RIN2: variants seen among roughly 807,000 people sequenced by gnomAD.
RIN2 encodes Ras and Rab interactor 2, also known as RAB5 interacting protein 2.
A neutral mutation model predicts 78.0 loss-of-function variants in RIN2; 36 were observed. The ratio of observed to expected loss-of-function variants is 0.46; its 90% CI spans 0.35 to 0.61. The LOEUF (loss-of-function observed/expected upper bound fraction) is 0.61, where lower values mean the gene tolerates loss of function less well. Among genes scored for constraint, RIN2 ranks in the 20% least tolerant of loss-of-function variants. The pLI is 0.00. For synonymous variants in RIN2, 466 were observed against 466.8 expected (o/e 1.00, Z 0.02); for missense variants, 1,087 against 1,159.7 (o/e 0.94, Z 0.91).
intron 2 of RIN2, among the ~76,000 whole-genome samples, chr20:19,851,061 G>GAGA (rs2036963006): frequency 7.9e-6 from 1 of 126,832 alleles, no homozygotes; most frequent in African/African-American, 3.4e-5. Flanking sequence ...AGAAAGAAAG[G>GAGA]AAGGAAGGAA....
chr20:19,914,791 G>A (rs1277859232), intron 3 of RIN2, among the ~76,000 whole-genome samples: 2 of 152,150 alleles, frequency 1.3e-5, no homozygotes, highest in Non-Finnish European at 2.9e-5. Flanking sequence ...TAGGTCATGC[G>A]TGTGCACATT....
chr20:19,806,080 G>C (rs1191947631), intron 2 of RIN2, among the ~76,000 whole-genome samples: 2 of 152,180 alleles, frequency 1.3e-5, no homozygotes, highest in Admixed American at 1.3e-4. Context: ...AGTATTCTAT[G>C]GTGTATATGT....
intron 2 of RIN2, among the ~76,000 whole-genome samples, chr20:19,811,612 TA>T (rs1445476803): frequency 6.6e-6 from 1 of 152,178 alleles, no homozygotes; most frequent in Non-Finnish European, 1.5e-5. Context: ...TTGTAGCTTT[TA>T]AAACTGAACG....
chr20:19,770,211 TATC>T lies in RIN2; in HGVS notation c.-163+11887_-163+11889del, dbSNP rs1440696361. ...GATTATGATGCTTTTACAAAATAAA[TATC>T]ATTCTAGAAGCAAAGATAAAAAGTA... is the stretch of plus-strand genomic sequence containing the variant. On this transcript the variant is annotated intron_variant, in intron 1 of 12. Transcript: ENST00000255006. Among the ~76,000 whole-genome samples, 6 of 152,322 alleles carry T rather than the reference TATC, an allele frequency of 3.9e-5. No homozygotes were observed. In the East Asian group the frequency reaches 1.2e-3, roughly 29 times the overall value.
chr20:19,921,808 A>G (rs2039935629), intron 3 of RIN2, among the ~76,000 whole-genome samples: 1 of 152,128 alleles, frequency 6.6e-6, no homozygotes, highest in Non-Finnish European at 1.5e-5. Context: ...CAGAGGTCCA[A>G]TATCAGGTGA....
rs143539975 is a variant in RIN2 at position 19,877,954 on chromosome 20, A to C, written c.-36-11612A>C. On this transcript the variant is annotated intron_variant, in intron 2 of 12. Transcript: ENST00000255006. ...AGTATCACTTGAGCCTGGGAGGTTG[A>C]GGCTGCAGTAAGCCATGATTATGCC... Among the ~76,000 whole-genome samples the C allele has an allele frequency of 4.7e-3, 710 of 152,296 alleles. 3 individuals carry two copies. Among genetic ancestry groups the C allele is most frequent in the Middle Eastern group, 0.024 (7 of 294 alleles).
intron 3 of RIN2, among the ~76,000 whole-genome samples, chr20:19,911,302 C>T (rs775384109): frequency 1.1e-4 from 16 of 152,172 alleles, no homozygotes; most frequent in Admixed American, 2.6e-4. Context: ...ATCTGTGCGC[C>T]TTGGCCTCCC....
rs1601012712 is a variant in RIN2, at chr20:19,975,480, C to T, written c.1455C>T (p.Ser485=). The change falls in exon 9 of 13, where the codon AGC becomes AGT. Residue 485 remains serine, a synonymous_variant. Transcript: ENST00000255006. The surrounding 1 kb of genome is among the most constrained non-coding windows in gnomAD (Gnocchi z 4.9). ...PPIKSKKKRS[S]SFVLPKLVKS... ...TCAAGTCCAAAAAGAAAAGGAGCAG[C>T]TCCTTCGTGCTGCCCAAGCTCGTCA... 2.5e-6 allele frequency: 4 copies of T among 1,613,950 alleles called. No homozygotes were observed. The Admixed American group carries it at 5.0e-5, about 20-fold the overall frequency.
intron 3 of RIN2, 48 bp downstream of exon 3, chr20:19,889,706 G>GGCTCAGGCAGCA: frequency 7.3e-7 from 1 of 1,371,048 alleles, no homozygotes; most frequent in Non-Finnish European, 9.8e-7. Context: ...CTTGCTGCCT[G>GGCTCAGGCAGCA]AGCCTGGGAG....
At chr20:19,929,526 G>A (rs777232185) in intron 3 of RIN2, among the ~76,000 whole-genome samples, 1 of 151,870 alleles carries the variant, frequency 6.6e-6, no homozygotes, top group Non-Finnish European at 1.5e-5. Context: ...CATACCCAGC[G>A]AATTTTTGCA....
At chr20:19,986,483 G>T (rs1019413668) in intron 9 of RIN2, among the ~76,000 whole-genome samples, 1 of 152,094 alleles carries the variant, frequency 6.6e-6, no homozygotes, top group Non-Finnish European at 1.5e-5. Flanking sequence ...TACTCCCTTG[G>T]CAATTGGTCC....
At chr20:19,925,002 G>C (rs1367652996) in intron 3 of RIN2, among the ~76,000 whole-genome samples, 1 of 150,760 alleles carries the variant, frequency 6.6e-6, no homozygotes, top group African/African-American at 2.4e-5. Flanking sequence ...GCCTCCCAAA[G>C]TGCTGGGATT....
chr20:19,922,599 C>A (rs1434634114), intron 3 of RIN2, among the ~76,000 whole-genome samples: 1 of 152,162 alleles, frequency 6.6e-6, no homozygotes, highest in African/African-American at 2.4e-5. Context: ...GGAGGTAGCA[C>A]CACTCAGTAG....
chr20:19,781,954 A>G (rs1446627528), intron 1 of RIN2, among the ~76,000 whole-genome samples: 1 of 152,154 alleles, frequency 6.6e-6, no homozygotes, highest in East Asian at 1.9e-4. Context: ...TCCATTTCCC[A>G]TGGTAGGTTA....
intron 3 of RIN2, among the ~76,000 whole-genome samples, chr20:19,906,864 C>T (rs970223147): frequency 5.3e-5 from 8 of 152,196 alleles, no homozygotes; most frequent in Non-Finnish European, 7.3e-5. Context: ...GGAGTATGAC[C>T]TCTGATATGT....
Position 19,935,146 on chromosome 20 carries a change from G to T in RIN2, c.105G>T (p.Met35Ile). The T allele has an allele frequency of 6.2e-7, 1 of 1,604,890 alleles. No homozygotes were observed. Among genetic ancestry groups the T allele is most frequent in the Non-Finnish European group, 8.5e-7 (1 of 1,175,712 alleles). Residue 35 changes from methionine to isoleucine, a missense_variant, in exon 4 of 13, where the codon ATG (methionine) becomes ATT (isoleucine). Met to Ile is a conservative substitution (Grantham distance 10). This residue lies in a region of RIN2 where 706 missense variants were observed against 667.5 expected (regional missense o/e 1.06). Coordinates refer to ENST00000255006, the MANE Select transcript of RIN2 (RefSeq NM_018993.4). ...ASEIGELKQE[M>I]VRTDVNLENG... is the part of the protein sequence containing the mutation. Reference sequence around the variant, plus strand: ...AGATCGGAGAACTGAAACAGGAGATGGTGCGGACAGATGTCAACCTGGAAA... The same window carrying T: ...AGATCGGAGAACTGAAACAGGAGATTGTGCGGACAGATGTCAACCTGGAAA...
chr20:19,882,073 A>G (rs1426273033), intron 2 of RIN2, among the ~76,000 whole-genome samples: 4 of 152,198 alleles, frequency 2.6e-5, no homozygotes, highest in African/African-American at 9.7e-5. Flanking sequence ...TAATTTTGGA[A>G]AGTGAAAAAA....
chr20:19,837,906 C>T (rs925728685), intron 2 of RIN2, among the ~76,000 whole-genome samples: 4 of 151,958 alleles, frequency 2.6e-5, no homozygotes, highest in South Asian at 2.1e-4. Flanking sequence ...GACAGACATA[C>T]GCCTATATTT....
At chr20:19,796,179 C>A (rs1474768737) in intron 1 of RIN2, among the ~76,000 whole-genome samples, 1 of 152,162 alleles carries the variant, frequency 6.6e-6, no homozygotes, top group Non-Finnish European at 1.5e-5. Context: ...AGGAGTTTGA[C>A]CTTTTCTGTT....
Sources: allele counts gnomAD v4.1 joint callset (sites outside exome capture counted in the v4.1 genomes callset), GRCh38; gene constraint gnomAD v4.1.1; regional missense constraint gnomAD v4.1.1; non-coding constraint Gnocchi (gnomAD v3.1); transcripts MANE v1.5; gene names NCBI Gene and HGNC (gene_info 2026-07-23, HGNC 2026-07-21).